The following SEC13 variants were observed in gnomAD, a reference collection of about 807,000 sequenced individuals.
The protein encoded by SEC13 is protein SEC13 homolog.
In SEC13, 25 loss-of-function variants were observed where a neutral mutation model predicts 49.2. The ratio of observed to expected loss-of-function variants is 0.51; its 90% CI spans 0.37 to 0.71. SEC13 has a LOEUF of 0.71. Among genes scored for constraint, SEC13 ranks in the 30% least tolerant of loss-of-function variants. SEC13 has a pLI of 0.00. For synonymous variants in SEC13, 148 were observed against 163.9 expected (o/e 0.90, Z 0.74); for missense variants, 383 against 417.6 (o/e 0.92, Z 0.72).
chr3:10,302,311 G>A (rs929117982), intron 8 of SEC13, among the ~76,000 whole-genome samples: 1 of 152,138 alleles, frequency 6.6e-6, no homozygotes, highest in Non-Finnish European at 1.5e-5. Flanking sequence ...TGAAAATAAC[G>A]ATTTTGATTT....
intron 5 of SEC13, chr3:10,311,618 T>G: frequency 9.1e-7 from 1 of 1,092,982 alleles, no homozygotes; most frequent in Non-Finnish European, 1.1e-6. Context: ...CTCACATACT[T>G]TTTAAAAGTT....
intron 8 of SEC13, chr3:10,303,652 C>T: frequency 3.5e-6 from 1 of 287,124 alleles, no homozygotes; most frequent in Non-Finnish European, 6.8e-6. Flanking sequence ...AAAAAATATC[C>T]CCAATCTTCT....
Position 10,305,711 on chromosome 3 carries a change from T to TGGTGAC in SEC13, c.451-25_451-20dup. On this transcript the variant is annotated intron_variant, in intron 5 of 8. Coordinates refer to ENST00000350697, the MANE Select transcript of SEC13 (RefSeq NM_183352.3). ...AGCCAATCTGTAAAGATGGGACACA[T>TGGTGAC]GGTGACTCTGCCTTGCAAGAGAACA... 6.2e-7 allele frequency: 1 copy of TGGTGAC among 1,613,886 alleles called. No individual in the cohort carries two copies. Among genetic ancestry groups the TGGTGAC allele is most frequent in the Non-Finnish European group, 8.5e-7 (1 of 1,179,790 alleles).
At chr3:10,319,713 C>T (rs779004073) in intron 1 of SEC13, among the ~76,000 whole-genome samples, 7 of 139,530 alleles carry the variant, frequency 5.0e-5, no homozygotes, top group Non-Finnish European at 9.1e-5. Flanking sequence ...GCATTTAATT[C>T]TAACCACTCT....
At chr3:10,303,070 T>C (rs909120327) in intron 8 of SEC13, among the ~76,000 whole-genome samples, 1 of 151,540 alleles carries the variant, frequency 6.6e-6, no homozygotes, top group African/African-American at 2.4e-5. Flanking sequence ...GGGTACAGAG[T>C]TTCAATTTTG....
chr3:10,320,545 C>T, intron 1 of SEC13: 1 of 986,184 alleles, frequency 1.0e-6, no homozygotes, highest in Non-Finnish European at 1.2e-6. Flanking sequence ...TCAATCATCT[C>T]TGCTGGGAGC....
chr3:10,305,748 G>A, intron 5 of SEC13, 56 bp from the exon 6 acceptor site: 1 of 1,601,292 alleles, frequency 6.2e-7, no homozygotes. Context: ...TGCTTCTGCA[G>A]ACCCAAGCCT....
chr3:10,304,885 C>T (rs1700769145), intron 7 of SEC13, 148 bp downstream of exon 7: 1 of 1,193,474 alleles, frequency 8.4e-7, no homozygotes, highest in Admixed American at 2.1e-5. Context: ...GACTTCCCCA[C>T]ACAATGACCT....
chr3:10,320,513 G>C (rs925140868), intron 1 of SEC13: 42 of 985,528 alleles, frequency 4.3e-5, no homozygotes, highest in Admixed American at 6.1e-5. Context: ...TCCTACCTGG[G>C]GGCCCTACCC....
chr3:10,316,971 A>C (rs901678790), intron 2 of SEC13, among the ~76,000 whole-genome samples: 3 of 148,038 alleles, frequency 2.0e-5, no homozygotes, highest in African/African-American at 7.6e-5. Flanking sequence ...ACTGCATGCC[A>C]GCCTGGGCTA....
chr3:10,314,363 G>A (rs541747861), intron 3 of SEC13, among the ~76,000 whole-genome samples: 25 of 152,182 alleles, frequency 1.6e-4, no homozygotes, highest in Non-Finnish European at 2.8e-4. Flanking sequence ...AAACCCTAGC[G>A]GCAGGTCTAA....
intron 5 of SEC13, among the ~76,000 whole-genome samples, chr3:10,307,438 A>C (rs908029417): frequency 6.6e-6 from 1 of 152,010 alleles, no homozygotes; most frequent in Non-Finnish European, 1.5e-5. Context: ...ATAAAGACAT[A>C]CCTGAGACTG....
intron 1 of SEC13, among the ~76,000 whole-genome samples, chr3:10,318,382 T>C (rs1574894340): frequency 6.6e-6 from 1 of 151,740 alleles, no homozygotes; most frequent in South Asian, 2.1e-4. Flanking sequence ...GCTGGGGTGG[T>C]AGACACGAAT....
At chr3:10,301,511 A>G (rs1700511613) in intron 8 of SEC13, 137 bp from the exon 9 acceptor site, 2 of 1,090,438 alleles carry the variant, frequency 1.8e-6, no homozygotes, top group Admixed American at 2.5e-5. Flanking sequence ...TCCTCCACTG[A>G]AATCTCACCA....
At position 10,312,654 on chromosome 3, in the gene SEC13, G is replaced by A. The variant is rs762583003; in HGVS notation, c.241C>T (p.Arg81Trp). Residue 81 changes from arginine (R) to tryptophan (W), a missense_variant, in exon 4 of 9, where the codon CGG becomes TGG. Arg to Trp is a moderately radical substitution (Grantham distance 101). Coordinates refer to ENST00000350697, the MANE Select transcript of SEC13 (RefSeq NM_183352.3). ...TCCTCTCTCCAGATAATGACTTTCC[G>A]GTCATAGGAGCACGATGCCAGGATG... ...GNILASCSYDRKVIIWREENG... is the reference protein window; with the variant it reads ...GNILASCSYDWKVIIWREENG... The A allele has an allele frequency of 5.6e-6, 9 of 1,613,950 alleles. No individual in the cohort carries two copies. In the Admixed American group the frequency reaches 6.7e-5, roughly 12 times the overall value.
intron 8 of SEC13, among the ~76,000 whole-genome samples, chr3:10,303,096 C>T (rs1700642662): frequency 2.0e-5 from 3 of 152,330 alleles, no homozygotes; most frequent in South Asian, 2.1e-4. Context: ...GAAAAGAGTT[C>T]TGGAGACCAG....
intron 7 of SEC13, among the ~76,000 whole-genome samples, 198 bp from the exon 8 acceptor site, chr3:10,304,370 T>C (rs1700732410): frequency 1.3e-5 from 2 of 152,116 alleles, no homozygotes; most frequent in Non-Finnish European, 2.9e-5. Context: ...CCGGATTCCT[T>C]TTCTCATCCG....
chr3:10,319,748 C>T (rs2059731469), intron 1 of SEC13, among the ~76,000 whole-genome samples: 2 of 116,014 alleles, frequency 1.7e-5, no homozygotes, highest in South Asian at 6.3e-4. Flanking sequence ...GGTTGATGAA[C>T]CACACTTCTG....
intron 8 of SEC13, among the ~76,000 whole-genome samples, chr3:10,301,743 C>T (rs996836097): frequency 6.6e-6 from 1 of 152,068 alleles, no homozygotes; most frequent in African/African-American, 2.4e-5. Flanking sequence ...ATTCTTGGGG[C>T]CTGGAACAAC....
Sources: gnomAD v4.1 joint callset for allele counts (sites outside exome capture counted in the v4.1 genomes callset) on GRCh38, gnomAD v4.1.1 for gene constraint, MANE v1.5 for transcripts, NCBI Gene and HGNC (gene_info 2026-07-23, HGNC 2026-07-21) for gene names.